The following PAX4 variants were observed in gnomAD, a reference collection of about 807,000 sequenced individuals.
The protein encoded by PAX4 is paired box 4.
PAX4 carries 33 observed loss-of-function variants against 40.6 expected under a neutral mutation model. The observed-to-expected ratio is 0.81, with a 90% confidence interval of 0.62 to 1.09. The LOEUF is 1.09. Ranked by LOEUF, PAX4 falls within the 50% of genes least tolerant of loss-of-function variation. The pLI is 0.00. For synonymous variants in PAX4, 174 were observed against 170.6 expected (o/e 1.02, Z -0.16); for missense variants, 459 against 442.5 (o/e 1.04, Z -0.33).
rs767181337 is a variant in PAX4 at position 127,614,512 on chromosome 7, C to G, written c.406G>C (p.Gly136Arg). ...RVLRALQEDQ[G>R]LPCTRLRSPA... The stretch of plus-strand genomic sequence containing the variant: ...GACCTGAGCCGTGTGCACGGTAGTC[C>G]CTGGTCCTCCTGTAATGCCCGCAGG... The change falls in exon 6 of 12, where the codon GGA (glycine) becomes CGA (arginine). Residue 136 changes from glycine to arginine, a missense_variant. Gly to Arg is a moderately radical substitution (Grantham distance 125, BLOSUM62 -2). Coordinates refer to ENST00000639438, the MANE Select transcript of PAX4 (RefSeq NM_001366110.1). 10 of 1,596,634 alleles carry G rather than the reference C, an allele frequency of 6.3e-6. 1 individual carries two copies. The Admixed American group carries it at 1.7e-4, about 28-fold the overall frequency.
chr7:127,612,939 G>A, intron 9 of PAX4, 83 bp downstream of exon 9: 2 of 853,854 alleles, frequency 2.3e-6, no homozygotes, highest in Middle Eastern at 3.4e-4. Context: ...AATGGAGGAT[G>A]GATGGATGGA....
intron 2 of PAX4, 91 bp from the exon 3 acceptor site, chr7:127,616,118 A>G (rs1440141904): frequency 8.0e-6 from 5 of 622,802 alleles, no homozygotes; most frequent in Non-Finnish European, 1.4e-5. Context: ...GGTTCCTAAA[A>G]TTTGCCAGTG....
chr7:127,610,622 T>G lies in PAX4; in HGVS notation c.*442A>C. 1 of 546,180 alleles carries G rather than the reference T, an allele frequency of 1.8e-6. No individual in the cohort carries two copies. The highest frequency in any genetic ancestry group is 2.1e-5 in the South Asian group (1 of 47,968). 33.8% of individuals were successfully genotyped at this position (546,180 alleles called of 1,614,324 possible). On this transcript the variant is annotated 3_prime_UTR_variant, in exon 12 of 12. Transcript: ENST00000639438. ...TACACATATAGATGCATACATAGAG[T>G]AGGTAAATTGATGCATTGACAAATA...
intron 2 of PAX4, among the ~76,000 whole-genome samples, chr7:127,616,281 A>T (rs1179539860): frequency 6.6e-6 from 1 of 152,186 alleles, no homozygotes; most frequent in Non-Finnish European, 1.5e-5. Flanking sequence ...CTACACATTC[A>T]TTAGAAAAGT....
chr7:127,613,583 A>G (rs916604818), intron 7 of PAX4, 51 bp from the exon 8 acceptor site: 1 of 1,596,624 alleles, frequency 6.3e-7, no homozygotes, highest in Admixed American at 1.7e-5. Context: ...GGAGCAAGGC[A>G]TGGGTCTCCC....
rs538718089 is a variant in PAX4 at position 127,615,147 on chromosome 7, G to A, written c.145-52C>T. On this transcript the variant is annotated intron_variant, in intron 4 of 11. Transcript: ENST00000639438. ...GTGAGGCATGATGGGCAGAAGGAAG[G>A]AGAGTGTCCCTGGGACAGGAGGAGG... The A allele has an allele frequency of 3.1e-6, 5 of 1,613,546 alleles. 1 individual carries two copies. Among genetic ancestry groups the A allele is most frequent in the Admixed American group, 3.3e-5 (2 of 60,022 alleles).
rs36159526 is a variant in PAX4, at chr7:127,610,546, AGT to A, written c.*516_*517del. The stretch of plus-strand genomic sequence containing the variant: ...GAATAAAATGCCATGATATAATGTC[AGT>A]GTGTGTGTGTGTGTGTGTGTGTGCG... On this transcript the variant is annotated 3_prime_UTR_variant, in exon 12 of 12. Transcript: ENST00000639438. 4,801 of 200,804 alleles carry A rather than the reference AGT, an allele frequency of 0.024. 17 individuals carry two copies. Among genetic ancestry groups the A allele is most frequent in the East Asian group, 0.057 (599 of 10,528 alleles). The allele number at this position is 200,804 out of a possible 1,614,324, so 12.4% of individuals were successfully genotyped here. A position where few individuals can be genotyped will look rare whatever the true frequency, so the allele number is the denominator to read the frequency against.
intron 9 of PAX4, among the ~76,000 whole-genome samples, chr7:127,612,660 T>C (rs1343960245): frequency 7.1e-6 from 1 of 140,758 alleles, no homozygotes; most frequent in African/African-American, 2.7e-5. Context: ...GGTGGATGGG[T>C]GGGTGTGGTG....
Position 127,610,902 on chromosome 7 carries a change from G to A in PAX4, c.*162C>T. 1 of 1,544,304 alleles carries A rather than the reference G, an allele frequency of 6.5e-7. No homozygotes were observed. Among genetic ancestry groups the A allele is most frequent in the Non-Finnish European group, 8.7e-7 (1 of 1,146,962 alleles). ...GCTTTACCAGCCCCTCCAATCAGGTGATGCGCCAGAGAGGCATCGAGGCAG... is the reference window on the plus strand; with the variant it reads ...GCTTTACCAGCCCCTCCAATCAGGTAATGCGCCAGAGAGGCATCGAGGCAG... On this transcript the variant is annotated 3_prime_UTR_variant, in exon 12 of 12. Transcript: ENST00000639438.
rs777746244 is a variant in PAX4 at position 127,611,241 on chromosome 7, G to T, written c.914-35C>A. The stretch of plus-strand genomic sequence containing the variant: ...CAAATAGAGAGAGCTTGGGGTTATT[G>T]CTCCCACCCCACCTCTCAAAGTCAC... On this transcript the variant is annotated intron_variant, in intron 11 of 11. Transcript: ENST00000639438. 5 of 1,540,056 alleles carry T rather than the reference G, an allele frequency of 3.2e-6. No homozygotes were observed. In the Admixed American group the frequency reaches 9.5e-5, roughly 29 times the overall value.
intron 3 of PAX4, 72 bp downstream of exon 3, chr7:127,615,844 G>T (rs1794716492): frequency 2.0e-6 from 3 of 1,533,956 alleles, no homozygotes; most frequent in Non-Finnish European, 2.6e-6. Context: ...ACAGTTGATG[G>T]AAGCAAAGCC....
chr7:127,610,723 G>T lies in PAX4; in HGVS notation c.*341C>A. 1 of 671,302 alleles carries T rather than the reference G, an allele frequency of 1.5e-6. No individual in the cohort carries two copies. The highest frequency in any genetic ancestry group is 2.6e-6 in the Non-Finnish European group (1 of 391,864). The allele number at this position is 671,302 out of a possible 1,614,324, so 41.6% of individuals were successfully genotyped here. A position where few individuals can be genotyped will look rare whatever the true frequency, so the allele number is the denominator to read the frequency against. ...GATACATAGATGTAAATAAATGATA[G>T]GGCAAATTGTCTATAATTGTTGAAT... is the stretch of plus-strand genomic sequence containing the variant. On this transcript the variant is annotated 3_prime_UTR_variant, in exon 12 of 12. Transcript: ENST00000639438.
In PAX4 at chr7:127,615,924, T is replaced by C; in HGVS notation, c.5A>G (p.His2Arg). Residue 2 changes from histidine to arginine, a missense_variant, in exon 3 of 12, where the codon CAT (histidine) becomes CGT (arginine). His to Arg is a conservative substitution (Grantham distance 29, BLOSUM62 0). Transcript: ENST00000639438. Reference sequence around the variant, plus strand: ...TCCCCCAGGCTCCTCACCGTCCTGATGCATGCTCCAGGCTGACCCTCCTCA... The same window carrying C: ...TCCCCCAGGCTCCTCACCGTCCTGACGCATGCTCCAGGCTGACCCTCCTCA... M[H>R]QDGISSMNQL... 1 of 1,536,128 alleles carries C rather than the reference T, an allele frequency of 6.5e-7. No individual in the cohort carries two copies.
In PAX4 at chr7:127,612,019, T is replaced by C; in HGVS notation, c.716-19A>G. The C allele has an allele frequency of 6.2e-7, 1 of 1,606,924 alleles. No individual in the cohort carries two copies. The highest frequency in any genetic ancestry group is 8.5e-7 in the Non-Finnish European group (1 of 1,173,990). On this transcript the variant is annotated intron_variant, in intron 9 of 11. Transcript: ENST00000639438. ...GAAGCACCTATAAAATGAGAGTGAATCCACTCAGAAGGAGGAATTGGGGTT... is the reference window on the plus strand; with the variant it reads ...GAAGCACCTATAAAATGAGAGTGAACCCACTCAGAAGGAGGAATTGGGGTT...
chr7:127,615,450 C>G lies in PAX4; in HGVS notation c.95G>C (p.Arg32Pro). 1 of 1,614,210 alleles carries G rather than the reference C, an allele frequency of 6.2e-7. No individual in the cohort carries two copies. Among genetic ancestry groups the G allele is most frequent in the Non-Finnish European group, 8.5e-7 (1 of 1,180,038 alleles). ...LPLDTRQQIV[R>P]LAVSGMRPCD... ...GGGCCGCATTCCACTGACTGCTAGC[C>G]GCACAATCTGCTGCCGGGTATCCAG... Residue 32 changes from arginine (R) to proline (P), a missense_variant, in exon 4 of 12, where the codon CGG becomes CCG. Physicochemically the swap from Arg to Pro is moderately radical, Grantham distance 103. Coordinates refer to ENST00000639438, the MANE Select transcript of PAX4 (RefSeq NM_001366110.1).
chr7:127,612,551 GT>G (rs1356859466), intron 9 of PAX4, among the ~76,000 whole-genome samples: 2 of 150,646 alleles, frequency 1.3e-5, no homozygotes, highest in African/African-American at 4.9e-5. Context: ...AGATGGGTGG[GT>G]GACTGGCTGG....
In PAX4 at chr7:127,611,858, C is replaced by T. The variant is rs369651243; in HGVS notation, c.771+87G>A. 2.4e-5 allele frequency: 38 copies of T among 1,601,804 alleles called. No individual in the cohort carries two copies. The East Asian group carries it at 2.9e-4, about 12-fold the overall frequency. On this transcript the variant is annotated intron_variant, in intron 10 of 11. Coordinates refer to ENST00000639438, the MANE Select transcript of PAX4 (RefSeq NM_001366110.1). ...TGAACACTGTGGGGCCCTGGAGAGC[C>T]GGAGATCCTGGCTCAGGCCAGAAAT...
At chr7:127,612,153 A>G (rs1794637593) in intron 9 of PAX4, among the ~76,000 whole-genome samples, 153 bp from the exon 10 acceptor site, 1 of 152,168 alleles carries the variant, frequency 6.6e-6, no homozygotes, top group Non-Finnish European at 1.5e-5. Context: ...TTAACCCAAA[A>G]CTGTCCTCTT....
In PAX4 at chr7:127,610,542, TGTC is replaced by T. The variant is rs1436963519; in HGVS notation, c.*519_*521del. ...TTAGGAATAAAATGCCATGATATAATGTCAGTGTGTGTGTGTGTGTGTGTGTGT... is the reference window on the plus strand; with the variant it reads ...TTAGGAATAAAATGCCATGATATAATAGTGTGTGTGTGTGTGTGTGTGTGT... On this transcript the variant is annotated 3_prime_UTR_variant, in exon 12 of 12. Coordinates refer to ENST00000639438, the MANE Select transcript of PAX4 (RefSeq NM_001366110.1). The T allele has an allele frequency of 1.9e-5, 4 of 214,710 alleles. No homozygotes were observed. Among genetic ancestry groups the T allele is most frequent in the East Asian group, 7.6e-5 (1 of 13,226 alleles). 13.3% of individuals were successfully genotyped at this position (214,710 alleles called of 1,614,324 possible).
Sources: gnomAD v4.1 joint callset for allele counts (sites outside exome capture counted in the v4.1 genomes callset) on GRCh38, gnomAD v4.1.1 for gene constraint, MANE v1.5 for transcripts, NCBI Gene and HGNC (gene_info 2026-07-23, HGNC 2026-07-21) for gene names.